Variants in NDST4 observed in about 807,000 individuals in gnomAD.
The protein encoded by NDST4 is N-heparan sulfate sulfotransferase 4.
NDST4 carries 63 observed loss-of-function variants against 100.8 expected under a neutral mutation model. The observed-to-expected ratio is 0.62, with a 90% CI of 0.51 to 0.77. The LOEUF (loss-of-function observed/expected upper bound fraction) is 0.77. NDST4 is among the 30% of genes least tolerant of loss of function. The probability of loss-of-function intolerance (pLI) is 0.00; values close to 1 mark genes in which losing one functional copy is unlikely to be tolerated. For synonymous variants in NDST4, 377 were observed against 361.8 expected (o/e 1.04, Z -0.48); for missense variants, 943 against 1,018.4 (o/e 0.93, Z 1.01).
intron 2 of NDST4, among the ~76,000 whole-genome samples, chr4:114,979,860 C>T (rs1726727004): frequency 6.6e-6 from 1 of 151,526 alleles, no homozygotes; most frequent in African/African-American, 2.4e-5. Flanking sequence ...GAAAAAAAAG[C>T]AAATCTTAAA....
At chr4:115,008,990 C>A (rs1727481911) in intron 2 of NDST4, among the ~76,000 whole-genome samples, 1 of 126,556 alleles carries the variant, frequency 7.9e-6, no homozygotes, top group Non-Finnish European at 1.7e-5. Flanking sequence ...ACATGAAGGA[C>A]CTCTTCAAGG....
chr4:114,867,199 A>G (rs1724045544), intron 7 of NDST4, among the ~76,000 whole-genome samples: 1 of 152,064 alleles, frequency 6.6e-6, no homozygotes, highest in South Asian at 2.1e-4. Context: ...CTGTGTCAGT[A>G]TTCCTTCATT....
At chr4:115,040,188 G>T (rs1455294532) in intron 2 of NDST4, among the ~76,000 whole-genome samples, 1 of 149,916 alleles carries the variant, frequency 6.7e-6, no homozygotes, top group African/African-American at 2.5e-5. Flanking sequence ...TGTTTCCATG[G>T]TTTTTTAAGT....
chr4:114,963,629 C>G (rs994527354), intron 4 of NDST4, among the ~76,000 whole-genome samples: 2 of 152,052 alleles, frequency 1.3e-5, no homozygotes, highest in Admixed American at 6.6e-5. Flanking sequence ...GTAACTTGCA[C>G]TAAGTTGATT....
At chr4:114,881,412 T>G (rs371185406) in intron 6 of NDST4, among the ~76,000 whole-genome samples, 1 of 152,084 alleles carries the variant, frequency 6.6e-6, no homozygotes, top group African/African-American at 2.4e-5. Flanking sequence ...GGTGACTGGA[T>G]AGATACTGGA....
rs993028216 is a variant in NDST4 at position 115,108,578 on chromosome 4, A to AT, written c.-247+4865dup. On this transcript the variant is annotated intron_variant, in intron 1 of 13. Transcript: ENST00000264363. ...TATTTATATTTATTATTATCATTTT[A>AT]TTTTTTACCACTAAGGTGCATCTGC... Among the ~76,000 whole-genome samples, 4 of 151,992 alleles carry AT rather than the reference A, an allele frequency of 2.6e-5. No individual in the cohort carries two copies. The South Asian group carries it at 8.3e-4, about 32-fold the overall frequency.
intron 1 of NDST4, among the ~76,000 whole-genome samples, chr4:115,083,083 T>G (rs1225812408): frequency 6.6e-6 from 1 of 151,996 alleles, no homozygotes; most frequent in African/African-American, 2.4e-5. Flanking sequence ...GCTTCATGCG[T>G]TTTTTTGTTG....
chr4:114,909,004 C>T (rs1184915167), intron 6 of NDST4, among the ~76,000 whole-genome samples: 1 of 152,060 alleles, frequency 6.6e-6, no homozygotes. Flanking sequence ...AAGTAAAACA[C>T]ATGAAGTAGA....
chr4:114,961,222 A>T (rs1726255897), intron 4 of NDST4, among the ~76,000 whole-genome samples: 1 of 152,070 alleles, frequency 6.6e-6, no homozygotes, highest in East Asian at 1.9e-4. Flanking sequence ...AGGGAAATTC[A>T]TAGCTGTAAA....
chr4:114,853,268 T>C (rs537612231), intron 7 of NDST4, among the ~76,000 whole-genome samples: 6 of 152,316 alleles, frequency 3.9e-5, no homozygotes, highest in Admixed American at 2.0e-4. Context: ...ATTTCATGTT[T>C]TGATTCAAAT....
chr4:115,059,178 G>A, intron 2 of NDST4, among the ~76,000 whole-genome samples: 1 of 151,944 alleles, frequency 6.6e-6, no homozygotes, highest in East Asian at 1.9e-4. Context: ...ACTGAATTCT[G>A]ATTGTACCAA....
rs530403278 is a variant in NDST4, at chr4:114,965,240, A to G, written c.1221+5190T>C. ...TAATCCAGTAAAAATACTGTAAAGC[A>G]TTGTCAACATTGAAAGGAAGCTCTC... On this transcript the variant is annotated intron_variant, in intron 4 of 13. Coordinates refer to ENST00000264363, the MANE Select transcript of NDST4 (RefSeq NM_022569.3). Among the ~76,000 whole-genome samples the G allele has an allele frequency of 1.5e-4, 23 of 152,076 alleles. 1 individual carries two copies. Among genetic ancestry groups the G allele is most frequent in the Non-Finnish European group, 2.9e-4 (20 of 67,958 alleles).
At chr4:114,829,685 G>A in intron 13 of NDST4, 105 bp downstream of exon 13, 1 of 681,780 alleles carries the variant, frequency 1.5e-6, no homozygotes, top group Non-Finnish European at 2.4e-6. Flanking sequence ...ATTATTAATT[G>A]CAAAGGAAGA....
At chr4:115,109,413 G>A (rs967691303) in intron 1 of NDST4, among the ~76,000 whole-genome samples, 1 of 151,916 alleles carries the variant, frequency 6.6e-6, no homozygotes, top group Non-Finnish European at 1.5e-5. Context: ...AACAAATGAA[G>A]CATGTGGCCG....
At chr4:114,866,855 A>G (rs1439046703) in intron 7 of NDST4, among the ~76,000 whole-genome samples, 3 of 152,222 alleles carry the variant, frequency 2.0e-5, no homozygotes, top group Non-Finnish European at 4.4e-5. Context: ...TGATTATGTA[A>G]GTACTTCAAA....
chr4:114,898,451 T>C lies in NDST4; in HGVS notation c.1537-27501A>G, dbSNP rs976388787. On this transcript the variant is annotated intron_variant, in intron 6 of 13. Coordinates refer to ENST00000264363, the MANE Select transcript of NDST4 (RefSeq NM_022569.3). ...TCATTAGCACACTGTATTTGATACC[T>C]GTAGCTTTATACTATCCCTTGAAGT... 7.9e-5 allele frequency among the ~76,000 whole-genome samples: 12 copies of C among 152,352 alleles called. No individual in the cohort carries two copies. In the East Asian group the frequency reaches 2.1e-3, roughly 27 times the overall value.
At chr4:115,091,230 T>A (rs1403921773) in intron 1 of NDST4, among the ~76,000 whole-genome samples, 1 of 152,110 alleles carries the variant, frequency 6.6e-6, no homozygotes, top group African/African-American at 2.4e-5. Flanking sequence ...AATATGCATT[T>A]GTTTTGGCAA....
In NDST4 at chr4:115,076,617, G is replaced by A. The variant is rs199597254; in HGVS notation, c.420C>T (p.Val140=). 1.5e-5 allele frequency: 24 copies of A among 1,613,758 alleles called. No individual in the cohort carries two copies. The highest frequency in any genetic ancestry group is 3.3e-4 in the Middle Eastern group (2 of 6,058). ...LVIYENILKY[V]SMDSWNRELL... is the part of the protein sequence containing the mutation. ...GCTCTCGATTCCATGAGTCCATGCTGACATACTTCAGAATATTTTCATAAA... is the reference window on the plus strand; with the variant it reads ...GCTCTCGATTCCATGAGTCCATGCTAACATACTTCAGAATATTTTCATAAA... The change falls in exon 2 of 14, where the codon GTC becomes GTT. Residue 140 remains valine, a synonymous_variant. Transcript: ENST00000264363.
intron 4 of NDST4, among the ~76,000 whole-genome samples, chr4:114,948,605 A>G (rs1251822526): frequency 1.3e-5 from 2 of 152,118 alleles, no homozygotes; most frequent in East Asian, 3.8e-4. Flanking sequence ...AAGTGATATC[A>G]TATTTGGAAA....
Sources: gnomAD v4.1 joint callset for allele counts (sites outside exome capture counted in the v4.1 genomes callset) on GRCh38, gnomAD v4.1.1 for gene constraint, MANE v1.5 for transcripts, NCBI Gene and HGNC (gene_info 2026-07-23, HGNC 2026-07-21) for gene names.